CD1B: variants seen among roughly 807,000 people sequenced by gnomAD.
CD1B encodes the protein T-cell surface glycoprotein CD1b.
Under a neutral mutation model 39.8 loss-of-function variants are expected in CD1B, and 43 were observed. The observed-to-expected ratio is 1.08, with a 90% confidence interval of 0.85 to 1.39. The LOEUF (loss-of-function observed/expected upper bound fraction) is 1.39, where lower values mean the gene tolerates loss of function less well. Ranked by LOEUF, CD1B falls within the 40% of genes most tolerant of loss-of-function variation. The pLI, the probability that CD1B is intolerant of heterozygous loss-of-function variation, is 0.00. For missense variants in CD1B, 495 were observed against 403.8 expected (o/e 1.23, Z -1.94); for synonymous variants, 192 against 152.5 (o/e 1.26, Z -1.91).
At chr1:158,331,249 G>A (rs929215025) in intron 1 of CD1B, 114 bp downstream of exon 1, 35 of 1,148,420 alleles carry the variant, frequency 3.0e-5, no homozygotes, top group Middle Eastern at 2.8e-4. Flanking sequence ...TGAAGAGGGC[G>A]GGAGACAGAA....
chr1:158,324,602 G>T (rs1652285355), downstream of CD1B, among the ~76,000 whole-genome samples: 1 of 152,160 alleles, frequency 6.6e-6, no homozygotes, highest in African/African-American at 2.4e-5. Flanking sequence ...AATTTGAAGT[G>T]AAAGTGTAAA....
At chr1:158,300,483 A>G in the CD1B span, among the ~76,000 whole-genome samples, 1 of 152,140 alleles carries the variant, frequency 6.6e-6, no homozygotes, top group Non-Finnish European at 1.5e-5. Context: ...AGTACCGTAG[A>G]TGTCTATTAG....
the CD1B span, among the ~76,000 whole-genome samples, chr1:158,289,292 A>T: frequency 6.6e-6 from 1 of 152,246 alleles, no homozygotes; most frequent in Admixed American, 6.5e-5. Context: ...AGACACTGGT[A>T]TCAACCATGT....
the CD1B span, among the ~76,000 whole-genome samples, chr1:158,318,920 T>C: frequency 1.3e-5 from 2 of 152,220 alleles, no homozygotes; most frequent in African/African-American, 2.4e-5. Context: ...CCTTCACTTA[T>C]GAAGCTTAGT....
chr1:158,328,947 G>C lies in CD1B; in HGVS notation c.954C>G (p.Cys318Trp), dbSNP rs773086501. The C allele has an allele frequency of 2.5e-6, 4 of 1,613,276 alleles. No homozygotes were observed. Among genetic ancestry groups the C allele is most frequent in the Non-Finnish European group, 3.4e-6 (4 of 1,179,714 alleles). The change falls in exon 5 of 6, where the codon TGC (cysteine) becomes TGG (tryptophan). Residue 318 changes from cysteine (C) to tryptophan (W), a missense_variant. By Grantham distance (215) the Cys-to-Trp change is radical. Transcript: ENST00000368168. ...IIVPSLLLLL[C>W]LALWYMRRRS... ...GGCGCCTCATATACCATAATGCAAG[G>C]CATAGCAAAAGGAGCAAGGAAGGCA...
At chr1:158,325,879 T>C (rs1323154437), downstream of CD1B, among the ~76,000 whole-genome samples, 3 of 152,230 alleles carry the variant, frequency 2.0e-5, no homozygotes, top group African/African-American at 7.2e-5. Flanking sequence ...AATCTAGTAA[T>C]GAATGAAGAC....
the CD1B span, among the ~76,000 whole-genome samples, chr1:158,316,031 T>A: frequency 0.018 from 2,726 of 151,912 alleles, 101 homozygotes; most frequent in African/African-American, 0.062. Context: ...CTGTTTTGGT[T>A]CCAGTACCAT....
At chr1:158,330,583 C>T (rs750091750) in intron 2 of CD1B, 10 of 705,794 alleles carry the variant, frequency 1.4e-5, no homozygotes, top group South Asian at 1.2e-4. Flanking sequence ...GGAAGACAGT[C>T]TGAGAGTAAG....
At chr1:158,317,052 T>C in the CD1B span, among the ~76,000 whole-genome samples, 1,758 of 151,228 alleles carry the variant, frequency 0.012, 40 homozygotes, top group African/African-American at 0.039. Flanking sequence ...CTGCTGGATT[T>C]GGTTTGGCAG....
the CD1B span, among the ~76,000 whole-genome samples, chr1:158,310,833 A>C: frequency 6.6e-6 from 1 of 152,186 alleles, no homozygotes; most frequent in Non-Finnish European, 1.5e-5. Context: ...GCAAGGTTGC[A>C]GAGAAAAGAG....
the CD1B span, among the ~76,000 whole-genome samples, chr1:158,313,168 G>C: frequency 6.6e-6 from 1 of 152,000 alleles, no homozygotes; most frequent in Non-Finnish European, 1.5e-5. Context: ...TGAATACTTT[G>C]AATCATCCTT....
At chr1:158,299,974 T>C in the CD1B span, among the ~76,000 whole-genome samples, 1 of 152,198 alleles carries the variant, frequency 6.6e-6, no homozygotes, top group Non-Finnish European at 1.5e-5. Context: ...ATTTTTTTTG[T>C]GTCTTTATCT....
downstream of CD1B, among the ~76,000 whole-genome samples, chr1:158,325,768 T>C (rs1281590726): frequency 6.6e-6 from 1 of 152,162 alleles, no homozygotes; most frequent in Non-Finnish European, 1.5e-5. Context: ...ATTTTGCCAT[T>C]TTTAAGTGTA....
At chr1:158,322,952 G>A (rs1041334106), downstream of CD1B, among the ~76,000 whole-genome samples, 6 of 152,136 alleles carry the variant, frequency 3.9e-5, no homozygotes, top group Admixed American at 1.3e-4. Context: ...GAGAGTCAAA[G>A]GGTATGTCTT....
the CD1B span, among the ~76,000 whole-genome samples, chr1:158,308,069 T>C: frequency 2.6e-5 from 4 of 152,170 alleles, no homozygotes; most frequent in Admixed American, 2.6e-4. Context: ...ATGACATGAT[T>C]GTATATCTAG....
At chr1:158,295,506 T>C in the CD1B span, among the ~76,000 whole-genome samples, 1 of 152,066 alleles carries the variant, frequency 6.6e-6, no homozygotes, top group Non-Finnish European at 1.5e-5. Flanking sequence ...GGACTCCAGC[T>C]TCTATGGAAC....
the CD1B span, among the ~76,000 whole-genome samples, chr1:158,318,214 T>C: frequency 1.3e-5 from 2 of 152,190 alleles, no homozygotes; most frequent in Admixed American, 1.3e-4. Context: ...TTCCTGGGTA[T>C]CCTTGTTGAC....
chr1:158,307,820 T>C, the CD1B span, among the ~76,000 whole-genome samples: 3 of 152,184 alleles, frequency 2.0e-5, no homozygotes, highest in Non-Finnish European at 4.4e-5. Flanking sequence ...AATTAGGTAT[T>C]GATGGGATGT....
At chr1:158,305,823 G>A in the CD1B span, among the ~76,000 whole-genome samples, 2 of 152,178 alleles carry the variant, frequency 1.3e-5, no homozygotes, top group Non-Finnish European at 2.9e-5. Context: ...TTCATATGTA[G>A]CCAAACTAAG....
Sources: gnomAD v4.1 joint callset for allele counts (sites outside exome capture counted in the v4.1 genomes callset) on GRCh38, gnomAD v4.1.1 for gene constraint, MANE v1.5 for transcripts, NCBI Gene and HGNC (gene_info 2026-07-23, HGNC 2026-07-21) for gene names.